LRRN1: variants seen among roughly 807,000 people sequenced by gnomAD.
LRRN1 encodes leucine-rich repeat neuronal protein 1.
LRRN1 carries 14 observed loss-of-function variants against 45.8 expected under a neutral mutation model. That is an observed-to-expected ratio of 0.31 (90% confidence interval 0.20 to 0.48). The LOEUF is 0.48. Among genes scored for constraint, LRRN1 ranks in the 20% least tolerant of loss-of-function variants. The pLI, the probability that LRRN1 is intolerant of heterozygous loss-of-function variation, is 0.99. For synonymous variants in LRRN1, 359 were observed against 330.1 expected (o/e 1.09, Z -0.95); for missense variants, 789 against 874.2 (o/e 0.90, Z 1.23).
At chr3:3,804,181 A>G (rs1340259547) in intron 1 of LRRN1, 1 of 152,220 alleles carries the variant, frequency 6.6e-6, no homozygotes, top group African/African-American at 2.4e-5. Flanking sequence ...TTGGTTGGTT[A>G]GCAAGCTATT....
In LRRN1 at chr3:3,816,957, T is replaced by C. The variant is rs1029386824; in HGVS notation, c.-279+17038T>C. ...GAAAGAGAATGAATAGGATGGGTGA[T>C]TGATTGATTGATTGATAAGATAGAT... is the stretch of plus-strand genomic sequence containing the variant. On this transcript the variant is annotated intron_variant, in intron 1 of 1. Coordinates refer to ENST00000319331, the MANE Select transcript of LRRN1 (RefSeq NM_020873.7). This position sits in a 1 kb window ranked among gnomAD's most constrained non-coding sequence, Gnocchi z 4.0. Among the ~76,000 whole-genome samples, 1 of 151,978 alleles carries C rather than the reference T, an allele frequency of 6.6e-6. No individual in the cohort carries two copies. The highest frequency in any genetic ancestry group is 2.4e-5 in the African/African-American group (1 of 41,386).
At position 3,834,541 on chromosome 3, in the gene LRRN1, TATATATATATATG is replaced by T. The variant is rs1286653204; in HGVS notation, c.-278-9812_-278-9800del. On this transcript the variant is annotated intron_variant, in intron 1 of 1. Coordinates refer to ENST00000319331, the MANE Select transcript of LRRN1 (RefSeq NM_020873.7). ...ACAGAACAGGATATATATATATATA[TATATATATATATG>T]ATATATATATTATTATACATATTAT... Among the ~76,000 whole-genome samples the T allele has an allele frequency of 3.5e-5, 4 of 114,134 alleles. No homozygotes were observed. The East Asian group carries it at 7.7e-4, about 22-fold the overall frequency. The allele number at this position is 114,134 out of a possible 152,430, so 74.9% of individuals were successfully genotyped here.
chr3:3,801,101 G>A (rs574978190), intron 1 of LRRN1: 7 of 152,456 alleles, frequency 4.6e-5, no homozygotes, highest in African/African-American at 1.7e-4. Flanking sequence ...TCCAGGAGAA[G>A]GGGACCTCGC....
chr3:3,823,890 A>T (rs1026727677), intron 1 of LRRN1, among the ~76,000 whole-genome samples: 3 of 152,166 alleles, frequency 2.0e-5, no homozygotes, highest in Non-Finnish European at 4.4e-5. Context: ...TGAACAAAGC[A>T]TCAAATACTC....
intron 1 of LRRN1, among the ~76,000 whole-genome samples, chr3:3,805,387 A>G (rs1381249125): frequency 1.3e-5 from 2 of 152,230 alleles, no homozygotes; most frequent in Non-Finnish European, 2.9e-5. Flanking sequence ...GTTTGCATCC[A>G]TAATAATCAG....
chr3:3,806,011 T>C (rs1199882464), intron 1 of LRRN1, among the ~76,000 whole-genome samples: 1 of 152,182 alleles, frequency 6.6e-6, no homozygotes, highest in African/African-American at 2.4e-5. Flanking sequence ...CACAGAGGAT[T>C]TCAACCAAGG....
chr3:3,808,908 C>A (rs1382330538), intron 1 of LRRN1, among the ~76,000 whole-genome samples: 1 of 151,382 alleles, frequency 6.6e-6, no homozygotes, highest in Non-Finnish European at 1.5e-5. Flanking sequence ...ATTTATAAAC[C>A]CTCTTTAAAT....
At chr3:3,804,578 CT>C (rs1692717516) in intron 1 of LRRN1, among the ~76,000 whole-genome samples, 1 of 152,084 alleles carries the variant, frequency 6.6e-6, no homozygotes, top group African/African-American at 2.4e-5. Context: ...GGCTTATTGC[CT>C]TCCATTTATA....
rs1379431321 is a variant in LRRN1 at position 3,816,014 on chromosome 3, AGAT to A, written c.-279+16099_-279+16101del. On this transcript the variant is annotated intron_variant, in intron 1 of 1. Transcript: ENST00000319331. This position sits in a 1 kb window ranked among gnomAD's most constrained non-coding sequence, Gnocchi z 4.0. ...AGAAAAATAGGAGGTAAGCCAATAA[AGAT>A]GATCTTATCATAGCATTGGATTCTT... Among the ~76,000 whole-genome samples, 1 of 152,206 alleles carries A rather than the reference AGAT, an allele frequency of 6.6e-6. No homozygotes were observed. The highest frequency in any genetic ancestry group is 1.5e-5 in the Non-Finnish European group (1 of 68,040).
chr3:3,806,677 T>A (rs1181981702), intron 1 of LRRN1, among the ~76,000 whole-genome samples: 1 of 152,202 alleles, frequency 6.6e-6, no homozygotes, highest in Admixed American at 6.5e-5. Flanking sequence ...GACAAAGCTG[T>A]CACTGCCTCA....
At chr3:3,844,203 T>C (rs1693705556) in intron 1 of LRRN1, among the ~76,000 whole-genome samples, 161 bp from the exon 2 acceptor site, 3 of 152,230 alleles carry the variant, frequency 2.0e-5, no homozygotes, top group African/African-American at 7.2e-5. Context: ...ATAGTAAGAA[T>C]GTCCTACAAT....
chr3:3,803,926 A>G (rs1263509224), intron 1 of LRRN1, among the ~76,000 whole-genome samples: 1 of 152,238 alleles, frequency 6.6e-6, no homozygotes, highest in Non-Finnish European at 1.5e-5. Flanking sequence ...AGATAAATGC[A>G]TGATAAATGG....
At chr3:3,838,693 T>C (rs567622368) in intron 1 of LRRN1, among the ~76,000 whole-genome samples, 6 of 152,326 alleles carry the variant, frequency 3.9e-5, no homozygotes, top group Non-Finnish European at 8.8e-5. Flanking sequence ...ATGCCTGTTA[T>C]TTTCTGTTGT....
At position 3,845,499 on chromosome 3, in the gene LRRN1, G is replaced by A. The variant is rs1182164078; in HGVS notation, c.858G>A (p.Met286Ile). ...HKIQEGDFKNMLRLKELGINN... is the reference protein window; with the variant it reads ...HKIQEGDFKNILRLKELGINN... ...TCCAAGAAGGGGACTTCAAAAATAT[G>A]CTTCGGTTAAAAGAACTGGGAATCA... Residue 286 changes from methionine to isoleucine, a missense_variant, in exon 2 of 2, where the codon ATG becomes ATA. Met to Ile is a conservative substitution (Grantham distance 10). Coordinates refer to ENST00000319331, the MANE Select transcript of LRRN1 (RefSeq NM_020873.7). The surrounding 1 kb of genome is among the most constrained non-coding windows in gnomAD (Gnocchi z 6.5). The A allele has an allele frequency of 6.2e-7, 1 of 1,614,044 alleles. No homozygotes were observed. The highest frequency in any genetic ancestry group is 2.2e-5 in the East Asian group (1 of 44,882).
chr3:3,838,946 A>C (rs1384699325), intron 1 of LRRN1, among the ~76,000 whole-genome samples: 1 of 152,058 alleles, frequency 6.6e-6, no homozygotes, highest in African/African-American at 2.4e-5. Flanking sequence ...ATTGTCTCCC[A>C]TTCTGTAGGT....
At chr3:3,808,371 C>A (rs891213548) in intron 1 of LRRN1, among the ~76,000 whole-genome samples, 1 of 152,182 alleles carries the variant, frequency 6.6e-6, no homozygotes. Flanking sequence ...CACTTTATAG[C>A]TCAGGAAACT....
rs991544577 is a variant in LRRN1, at chr3:3,827,916, A to G, written c.-278-16448A>G. 6.6e-5 allele frequency among the ~76,000 whole-genome samples: 10 copies of G among 152,258 alleles called. 1 individual carries two copies. The highest frequency in any genetic ancestry group is 3.9e-4 in the East Asian group (2 of 5,176). ...TTCAATGATAATGGTTGAAAATATA[A>G]TAGAAATGACAAATAATATTGATAA... On this transcript the variant is annotated intron_variant, in intron 1 of 1. Transcript: ENST00000319331.
At chr3:3,805,898 C>G (rs1449983247) in intron 1 of LRRN1, among the ~76,000 whole-genome samples, 6 of 152,152 alleles carry the variant, frequency 3.9e-5, no homozygotes, top group Non-Finnish European at 8.8e-5. Flanking sequence ...AATAAGTTAG[C>G]TTGATTTTTC....
chr3:3,806,928 A>T (rs1198276855), intron 1 of LRRN1, among the ~76,000 whole-genome samples: 9 of 152,204 alleles, frequency 5.9e-5, no homozygotes, highest in African/African-American at 2.2e-4. Context: ...TCACCCATCT[A>T]GGGGGAGACT....
Sources: gnomAD v4.1 joint callset for allele counts (sites outside exome capture counted in the v4.1 genomes callset) on GRCh38, gnomAD v4.1.1 for gene constraint, Gnocchi (gnomAD v3.1) non-coding constraint, MANE v1.5 for transcripts, NCBI Gene and HGNC (gene_info 2026-07-23, HGNC 2026-07-21) for gene names.